Variants in AGTPBP1 observed in about 807,000 individuals in gnomAD.
AGTPBP1 encodes the protein ATP/GTP binding carboxypeptidase 1.
A neutral mutation model predicts 143.9 loss-of-function variants in AGTPBP1; 70 were observed. That is an observed-to-expected ratio of 0.49 (90% CI 0.40 to 0.59). The LOEUF is 0.59. AGTPBP1 is among the 20% of genes least tolerant of loss of function. AGTPBP1 has a pLI of 0.00. For missense variants in AGTPBP1, 1,229 were observed against 1,464.5 expected, an observed-to-expected ratio of 0.84 and a Z score of 2.62; for synonymous variants, 463 against 500.2, an observed-to-expected ratio of 0.93 and a Z score of 0.99.
chr9:85,800,493 G>T, the AGTPBP1 span, among the ~76,000 whole-genome samples: 2 of 152,052 alleles, frequency 1.3e-5, no homozygotes, highest in Non-Finnish European at 2.9e-5. Flanking sequence ...TCTAAGTTTT[G>T]TTGGCATTTT....
At chr9:85,556,122 G>A (rs2132778736) in intron 25 of AGTPBP1, among the ~76,000 whole-genome samples, 1 of 152,052 alleles carries the variant, frequency 6.6e-6, no homozygotes, top group Non-Finnish European at 1.5e-5. Flanking sequence ...CATATGTATC[G>A]CTGAACCTAG....
At chr9:85,725,705 T>C (rs1838427855) in intron 1 of AGTPBP1, among the ~76,000 whole-genome samples, 1 of 151,890 alleles carries the variant, frequency 6.6e-6, no homozygotes, top group Admixed American at 6.6e-5. Flanking sequence ...AGCCCAAGAG[T>C]TCGAGACTAG....
chr9:85,771,800 C>T, the AGTPBP1 span, among the ~76,000 whole-genome samples: 4 of 150,954 alleles, frequency 2.6e-5, no homozygotes, highest in Admixed American at 1.3e-4. Flanking sequence ...GACAAGTGCC[C>T]GCCACCACGC....
chr9:85,642,130 G>A (rs1832515822), intron 13 of AGTPBP1, among the ~76,000 whole-genome samples: 1 of 152,132 alleles, frequency 6.6e-6, no homozygotes, highest in South Asian at 2.1e-4. Context: ...ACAAATCTTA[G>A]AGATTATCTA....
intron 19 of AGTPBP1, among the ~76,000 whole-genome samples, 177 bp from the exon 20 acceptor site, chr9:85,589,858 C>T (rs1445222804): frequency 6.6e-6 from 1 of 151,998 alleles, no homozygotes; most frequent in Admixed American, 6.6e-5. Flanking sequence ...TTGAAACAGG[C>T]AATATATTGT....
intron 14 of AGTPBP1, among the ~76,000 whole-genome samples, chr9:85,623,332 T>C (rs1292839302): frequency 6.6e-6 from 1 of 152,136 alleles, no homozygotes; most frequent in Non-Finnish European, 1.5e-5. Flanking sequence ...CATGTGCAAG[T>C]TGAAAATGGC....
the AGTPBP1 span, among the ~76,000 whole-genome samples, chr9:85,779,234 T>TAGATATAGATATAGATATAGATAC: frequency 2.3e-5 from 3 of 130,484 alleles, no homozygotes; most frequent in Non-Finnish European, 5.0e-5. Context: ...GATATAGATA[T>TAGATATAGATATAGATATAGATAC]AGATATAGAT....
the AGTPBP1 span, chr9:85,770,362 C>A: frequency 1.9e-6 from 3 of 1,605,066 alleles, no homozygotes; most frequent in Non-Finnish European, 2.6e-6. Context: ...TGAAAGTATC[C>A]AGAATTGCCA....
At chr9:85,786,415 G>A in the AGTPBP1 span, 1 of 1,613,894 alleles carries the variant, frequency 6.2e-7, no homozygotes, top group Non-Finnish European at 8.5e-7. Flanking sequence ...TGGGAAATGT[G>A]GGACGACTTC....
chr9:85,734,329 C>CT (rs199831813), intron 1 of AGTPBP1, among the ~76,000 whole-genome samples: 2,251 of 150,944 alleles, frequency 0.015, 25 homozygotes, highest in Middle Eastern at 0.037. Context: ...CTACAAAATA[C>CT]TTAAAAAAAA....
chr9:85,705,418 G>A (rs937754493), intron 2 of AGTPBP1, among the ~76,000 whole-genome samples: 4 of 151,944 alleles, frequency 2.6e-5, no homozygotes, highest in Admixed American at 6.6e-5. Context: ...GGCTCACACC[G>A]GTAATCCCAG....
chr9:85,655,883 A>C (rs1833473106), intron 10 of AGTPBP1, among the ~76,000 whole-genome samples: 1 of 152,150 alleles, frequency 6.6e-6, no homozygotes, highest in South Asian at 2.1e-4. Flanking sequence ...GCTGGAGTGA[A>C]GTAGAGCTAT....
At chr9:85,725,476 G>A (rs1178196139) in intron 1 of AGTPBP1, among the ~76,000 whole-genome samples, 1 of 152,036 alleles carries the variant, frequency 6.6e-6, no homozygotes, top group Non-Finnish European at 1.5e-5. Context: ...TACGCATAGG[G>A]GGAGGATGGT....
At chr9:85,770,551 A>G in the AGTPBP1 span, 12 of 845,364 alleles carry the variant, frequency 1.4e-5, no homozygotes, top group South Asian at 6.5e-5. Context: ...CATACATCCT[A>G]TATTTATTTT....
rs116938201 is a variant in AGTPBP1 at position 85,580,134 on chromosome 9, C to T, written c.3166-1038G>A. Among the ~76,000 whole-genome samples the T allele has an allele frequency of 8.6e-3, 1,297 of 150,484 alleles. 10 individuals are homozygous for T. Among genetic ancestry groups the T allele is most frequent in the Middle Eastern group, 0.024 (7 of 290 alleles). On this transcript the variant is annotated intron_variant, in intron 23 of 25. Coordinates refer to ENST00000357081, the MANE Select transcript of AGTPBP1 (RefSeq NM_001330701.2). ...GCCGCTGTAATCCCAGTTACTCAGG[C>T]GGCTAAGGAAGGAGAATCGCCTGAA...
At chr9:85,642,490 A>C (rs1282069034) in intron 13 of AGTPBP1, among the ~76,000 whole-genome samples, 2 of 151,846 alleles carry the variant, frequency 1.3e-5, no homozygotes, top group African/African-American at 4.8e-5. Context: ...CACCACACCC[A>C]GCTAATTTTT....
chr9:85,573,339 C>T (rs980994374), intron 25 of AGTPBP1, among the ~76,000 whole-genome samples: 5 of 152,194 alleles, frequency 3.3e-5, no homozygotes, highest in African/African-American at 1.2e-4. Flanking sequence ...CTCCTAACCG[C>T]GAGTGATCCG....
At chr9:85,748,152 G>C in the AGTPBP1 span, among the ~76,000 whole-genome samples, 1 of 152,134 alleles carries the variant, frequency 6.6e-6, no homozygotes, top group Non-Finnish European at 1.5e-5. Flanking sequence ...CACAGCTCTT[G>C]AGAAGTTCAC....
At chr9:85,713,845 T>G (rs1837535978) in intron 1 of AGTPBP1, among the ~76,000 whole-genome samples, 1 of 152,230 alleles carries the variant, frequency 6.6e-6, no homozygotes, top group Admixed American at 6.5e-5. Flanking sequence ...AATTGTAATT[T>G]TTTTTACTCT....
Sources: allele counts gnomAD v4.1 joint callset (sites outside exome capture counted in the v4.1 genomes callset), GRCh38; gene constraint gnomAD v4.1.1; transcripts MANE v1.5; gene names NCBI Gene and HGNC (gene_info 2026-07-23, HGNC 2026-07-21).